Variants in GREB1L observed in about 807,000 individuals in gnomAD.
GREB1L encodes GREB1 like retinoic acid receptor coactivator.
GREB1L carries 17 observed loss-of-function variants against 200.8 expected under a neutral mutation model. The ratio of observed to expected loss-of-function variants is 0.08; its 90% CI spans 0.06 to 0.13. The LOEUF is 0.13. GREB1L is among the 10% of genes least tolerant of loss of function. GREB1L has a pLI of 1.00. For missense variants in GREB1L, 1,657 were observed against 2,367.7 expected (o/e 0.70, Z 6.23); for synonymous variants, 789 against 893.0 (o/e 0.88, Z 2.08).
chr18:21,512,663 A>C (rs1471116260), intron 27 of GREB1L, among the ~76,000 whole-genome samples: 1 of 151,358 alleles, frequency 6.6e-6, no homozygotes, highest in Non-Finnish European at 1.5e-5. Flanking sequence ...TTTTTCCTTA[A>C]TTTCTCTGGC....
chr18:21,274,560 G>A (rs2038130763), intron 1 of GREB1L, among the ~76,000 whole-genome samples: 1 of 151,986 alleles, frequency 6.6e-6, no homozygotes, highest in Non-Finnish European at 1.5e-5. Context: ...ACAGACATGT[G>A]CCACCATGCC....
intron 2 of GREB1L, among the ~76,000 whole-genome samples, chr18:21,374,017 C>A (rs866233921): frequency 2.0e-5 from 3 of 148,040 alleles, no homozygotes; most frequent in Non-Finnish European, 4.5e-5. Flanking sequence ...TTTTTTTTTT[C>A]TTCAGGCCAG....
chr18:21,473,649 T>G (rs377492769), intron 16 of GREB1L, among the ~76,000 whole-genome samples: 84 of 152,232 alleles, frequency 5.5e-4, no homozygotes, highest in African/African-American at 1.9e-3. Flanking sequence ...CTTTGCCATC[T>G]TCTTACTGGT....
chr18:21,481,826 T>C (rs1254017948), intron 17 of GREB1L, among the ~76,000 whole-genome samples: 1 of 152,180 alleles, frequency 6.6e-6, no homozygotes, highest in African/African-American at 2.4e-5. Flanking sequence ...TCATTCTTTT[T>C]GCTCTGTGTG....
chr18:21,271,592 CAGTGAGCTAT>C (rs1035805359), intron 1 of GREB1L, among the ~76,000 whole-genome samples: 1 of 144,912 alleles, frequency 6.9e-6, no homozygotes, highest in African/African-American at 2.6e-5. Context: ...TTTGAGGCTG[CAGTGAGCTAT>C]AGTCTTGCCA....
rs78248834 is a variant in GREB1L, at chr18:21,478,561, T to G, written c.2556+1205T>G. Among the ~76,000 whole-genome samples, 59 of 152,362 alleles carry G rather than the reference T, an allele frequency of 3.9e-4. 1 individual carries two copies. In the East Asian group the frequency reaches 0.011, roughly 28 times the overall value. ...GGTAAGTTCTCTGACTTGGCGCTCT[T>G]GTCTTCAAGCATTGGTTTGTTCCTT... On this transcript the variant is annotated intron_variant, in intron 17 of 32. Transcript: ENST00000424526.
chr18:21,453,828 C>CT (rs1422901194), intron 14 of GREB1L, among the ~76,000 whole-genome samples: 1 of 152,064 alleles, frequency 6.6e-6, no homozygotes, highest in African/African-American at 2.4e-5. Flanking sequence ...TATGTAGTGA[C>CT]TGGGGAGGGA....
chr18:21,410,699 A>G (rs2030877514), intron 7 of GREB1L, among the ~76,000 whole-genome samples: 1 of 151,206 alleles, frequency 6.6e-6, no homozygotes. Flanking sequence ...CTACATTAAA[A>G]TTATAACTTC....
chr18:21,500,491 CCT>C, intron 22 of GREB1L, 47 bp from the exon 23 acceptor site: 2 of 1,329,468 alleles, frequency 1.5e-6, no homozygotes, highest in Non-Finnish European at 2.1e-6. Context: ...CTTTTCTTCC[CCT>C]CTCTTTCCCG....
In GREB1L at chr18:21,257,220, G is replaced by A. The variant is rs1269967667; in HGVS notation, c.-120+14827G>A. ...ACTGACCTGGTGATCCGCCCGCCTC[G>A]GCTTCCCAAAGTGCTGGGATTACAG... On this transcript the variant is annotated intron_variant, in intron 1 of 32. Transcript: ENST00000424526. 3.3e-5 allele frequency among the ~76,000 whole-genome samples: 5 copies of A among 152,026 alleles called. No homozygotes were observed. The South Asian group carries it at 6.2e-4, about 19-fold the overall frequency.
chr18:21,338,853 T>C (rs185034963), intron 1 of GREB1L, among the ~76,000 whole-genome samples: 4 of 152,340 alleles, frequency 2.6e-5, no homozygotes, highest in East Asian at 1.9e-4. Flanking sequence ...GTGAGGATCA[T>C]GTCCGTGGAT....
intron 7 of GREB1L, among the ~76,000 whole-genome samples, chr18:21,434,194 G>T (rs1357278872): frequency 6.6e-6 from 1 of 152,084 alleles, no homozygotes; most frequent in African/African-American, 2.4e-5. Flanking sequence ...TGGTTTTGAG[G>T]CTGGGCATGG....
chr18:21,346,255 A>G (rs2039343811), intron 1 of GREB1L, among the ~76,000 whole-genome samples: 1 of 151,998 alleles, frequency 6.6e-6, no homozygotes, highest in Admixed American at 6.6e-5. Flanking sequence ...AACTGCACCC[A>G]CACAGGCTAT....
chr18:21,493,604 C>T (rs569415332), intron 19 of GREB1L, among the ~76,000 whole-genome samples: 5 of 152,200 alleles, frequency 3.3e-5, no homozygotes, highest in Admixed American at 1.3e-4. Flanking sequence ...CAGTGGCTCA[C>T]GCCTATAATC....
intron 14 of GREB1L, 173 bp downstream of exon 14, chr18:21,452,390 G>T: frequency 1.6e-6 from 1 of 622,802 alleles, no homozygotes; most frequent in South Asian, 2.4e-5. Flanking sequence ...CATGTGGCCT[G>T]GATCAAAGGC....
rs143023222 is a variant in GREB1L at position 21,442,536 on chromosome 18, CCCTTTGGT to C, written c.1207+1008_1207+1015del. On this transcript the variant is annotated intron_variant, in intron 10 of 32. Coordinates refer to ENST00000424526, the MANE Select transcript of GREB1L (RefSeq NM_001142966.3). ...TTGGAAAGATGCATAGAACGTGGGA[CCCTTTGGT>C]CCTTTGGTGCCTGCCTTTTAGAAAG... 7.8e-3 allele frequency among the ~76,000 whole-genome samples: 1,191 copies of C among 152,296 alleles called. 17 individuals carry two copies. Among genetic ancestry groups the C allele is most frequent in the African/African-American group, 0.028 (1,147 of 41,550 alleles).
chr18:21,286,514 C>T (rs2038360251), intron 1 of GREB1L, among the ~76,000 whole-genome samples: 1 of 152,086 alleles, frequency 6.6e-6, no homozygotes, highest in Non-Finnish European at 1.5e-5. Context: ...GGGCAAAAAA[C>T]AAACAAATAA....
At chr18:21,372,424 G>A (rs2039910824) in intron 2 of GREB1L, among the ~76,000 whole-genome samples, 1 of 151,908 alleles carries the variant, frequency 6.6e-6, no homozygotes, top group Non-Finnish European at 1.5e-5. Context: ...AGGATTACAG[G>A]CATAAGCCAC....
chr18:21,431,337 A>AT (rs1211280849), intron 7 of GREB1L, among the ~76,000 whole-genome samples: 22 of 152,192 alleles, frequency 1.4e-4, no homozygotes, highest in Non-Finnish European at 3.1e-4. Flanking sequence ...ATTTTCATTT[A>AT]TTTTAAAGTT....
Sources: allele counts gnomAD v4.1 joint callset (sites outside exome capture counted in the v4.1 genomes callset), GRCh38; gene constraint gnomAD v4.1.1; transcripts MANE v1.5; gene names NCBI Gene and HGNC (gene_info 2026-07-23, HGNC 2026-07-21).